Variants in NPSR1 observed in about 807,000 individuals in gnomAD.
NPSR1 encodes neuropeptide S receptor.
Under a neutral mutation model 46.9 loss-of-function variants are expected in NPSR1, and 48 were observed. The ratio of observed to expected loss-of-function variants is 1.02; its 90% CI spans 0.81 to 1.30. NPSR1 has a LOEUF of 1.30. Ranked by LOEUF, NPSR1 falls within the 50% of genes most tolerant of loss-of-function variation. The pLI is 0.00. For synonymous variants in NPSR1, 176 were observed against 168.1 expected (o/e 1.05, Z -0.36); for missense variants, 450 against 449.5 (o/e 1.00, Z -0.01).
chr7:34,848,695 C>T (rs767674508), intron 8 of NPSR1, 32 bp downstream of exon 8: 1 of 1,588,220 alleles, frequency 6.3e-7, no homozygotes, highest in Non-Finnish European at 8.6e-7. Context: ...GTCAGACACA[C>T]TGATGGCCAT....
chr7:34,840,185 A>G (rs1790513831), intron 6 of NPSR1, among the ~76,000 whole-genome samples: 1 of 152,164 alleles, frequency 6.6e-6, no homozygotes, highest in Non-Finnish European at 1.5e-5. Context: ...AGGTTCAGAG[A>G]TATGCAGCCA....
chr7:34,806,190 G>A (rs537092741), intron 3 of NPSR1, among the ~76,000 whole-genome samples: 49 of 152,146 alleles, frequency 3.2e-4, no homozygotes, highest in African/African-American at 1.1e-3. Flanking sequence ...TATTTACTCA[G>A]TTGAGTTGAC....
chr7:34,677,870 T>C (rs1792398522), intron 1 of NPSR1, among the ~76,000 whole-genome samples: 1 of 152,206 alleles, frequency 6.6e-6, no homozygotes, highest in African/African-American at 2.4e-5. Flanking sequence ...TAAAGGAGTG[T>C]GGACAGCTGG....
intron 3 of NPSR1, 86 bp downstream of exon 3, chr7:34,778,651 T>C (rs1787091505): frequency 3.8e-6 from 3 of 794,398 alleles, no homozygotes; most frequent in Non-Finnish European, 4.2e-6. Flanking sequence ...TATAAAACCT[T>C]GCATTCCTAT....
At chr7:34,736,685 G>A (rs1784683322) in intron 2 of NPSR1, among the ~76,000 whole-genome samples, 1 of 151,990 alleles carries the variant, frequency 6.6e-6, no homozygotes, top group South Asian at 2.1e-4. Context: ...ACTGCAACCT[G>A]GAACTTCTGG....
rs960786226 is a variant in NPSR1 at position 34,870,241 on chromosome 7, A to G, written c.1026-7835A>G. Among the ~76,000 whole-genome samples the G allele has an allele frequency of 1.8e-4, 28 of 151,736 alleles. 1 individual carries two copies. The highest frequency in any genetic ancestry group is 6.6e-4 in the African/African-American group (27 of 41,054). On this transcript the variant is annotated intron_variant, in intron 8 of 8. Transcript: ENST00000359791. The stretch of plus-strand genomic sequence containing the variant: ...AGTCATGTGACTGTCACCCCACTGT[A>G]CTGTAAATTTCTTGGAGCCAGGGAT...
intron 6 of NPSR1, among the ~76,000 whole-genome samples, chr7:34,842,252 A>C (rs2128762858): frequency 6.6e-6 from 1 of 152,340 alleles, no homozygotes; most frequent in Non-Finnish European, 1.5e-5. Flanking sequence ...AAGTTTACAA[A>C]GTTTTAGTAA....
chr7:34,684,736 G>T (rs1198885495), intron 2 of NPSR1, 52 bp downstream of exon 2: 10 of 1,420,116 alleles, frequency 7.0e-6, no homozygotes, highest in East Asian at 2.6e-5. Flanking sequence ...AGTCCCTATG[G>T]CTTCCTGCTT....
chr7:34,829,692 A>G (rs1351753160), intron 5 of NPSR1, among the ~76,000 whole-genome samples: 1 of 152,056 alleles, frequency 6.6e-6, no homozygotes, highest in African/African-American at 2.4e-5. Flanking sequence ...TTCCCCATTA[A>G]TTTGGGCTGC....
intron 2 of NPSR1, among the ~76,000 whole-genome samples, chr7:34,708,552 A>C (rs968004476): frequency 1.3e-5 from 2 of 152,188 alleles, no homozygotes; most frequent in Admixed American, 1.3e-4. Flanking sequence ...GCTATGAGGG[A>C]AAACGACAGA....
chr7:34,844,601 A>G (rs1790682482), intron 6 of NPSR1, among the ~76,000 whole-genome samples: 1 of 152,202 alleles, frequency 6.6e-6, no homozygotes, highest in Admixed American at 6.5e-5. Flanking sequence ...CAGCTCCTGC[A>G]TGGTCACATA....
intron 1 of NPSR1, among the ~76,000 whole-genome samples, chr7:34,676,231 G>A (rs982173315): frequency 1.3e-5 from 2 of 152,148 alleles, no homozygotes; most frequent in Non-Finnish European, 2.9e-5. Context: ...CAGGCACTGA[G>A]CTAAAAATCT....
intron 5 of NPSR1, among the ~76,000 whole-genome samples, chr7:34,830,531 G>A (rs749523032): frequency 1.1e-4 from 16 of 151,888 alleles, no homozygotes; most frequent in Non-Finnish European, 1.9e-4. Flanking sequence ...TTGTTTAAAT[G>A]TTTTTATTTT....
intron 3 of NPSR1, among the ~76,000 whole-genome samples, chr7:34,809,981 G>T (rs1026068616): frequency 6.6e-6 from 1 of 152,000 alleles, no homozygotes; most frequent in Admixed American, 6.6e-5. Context: ...TCTTTCTTAC[G>T]AGCCTTCAAT....
intron 2 of NPSR1, among the ~76,000 whole-genome samples, chr7:34,769,663 A>G (rs1167784210): frequency 1.3e-5 from 2 of 152,214 alleles, no homozygotes; most frequent in Non-Finnish European, 2.9e-5. Context: ...TCACCTGACC[A>G]ATCCTCACTG....
rs780611431 is a variant in NPSR1, at chr7:34,844,895, G to C, written c.758-1G>C. ...TTACTATTCCCCTCTTGTATCTACAGATGGGAAACTGTGCAGCAGCTATAA... is the reference window on the plus strand; with the variant it reads ...TTACTATTCCCCTCTTGTATCTACACATGGGAAACTGTGCAGCAGCTATAA... On this transcript the variant is annotated splice_acceptor_variant, in intron 6 of 8. Transcript: ENST00000360581. LOFTEE classifies it high-confidence loss of function. 202 of 1,596,136 alleles carry C rather than the reference G, an allele frequency of 1.3e-4. No homozygotes were observed. Among genetic ancestry groups the C allele is most frequent in the Non-Finnish European group, 2.2e-5 (26 of 1,163,760 alleles).
intron 5 of NPSR1, among the ~76,000 whole-genome samples, chr7:34,831,966 G>A (rs1790142841): frequency 6.6e-6 from 1 of 152,208 alleles, no homozygotes; most frequent in African/African-American, 2.4e-5. Context: ...CCCATGCCAG[G>A]TTGGTGCAGC....
intron 1 of NPSR1, among the ~76,000 whole-genome samples, chr7:34,663,459 C>T (rs1458544): frequency 0.1 from 15,722 of 152,146 alleles, 910 homozygotes; most frequent in African/African-American, 0.15. Flanking sequence ...CGCTATACAA[C>T]TTCCACCTCA....
intron 2 of NPSR1, among the ~76,000 whole-genome samples, chr7:34,733,527 T>C (rs1426852295): frequency 6.6e-6 from 1 of 152,160 alleles, no homozygotes; most frequent in Admixed American, 6.5e-5. Context: ...TTAGTTCAAA[T>C]TTTTAGGAAA....
Sources: gnomAD v4.1 joint callset for allele counts (sites outside exome capture counted in the v4.1 genomes callset) on GRCh38, gnomAD v4.1.1 for gene constraint, MANE v1.5 for transcripts, NCBI Gene and HGNC (gene_info 2026-07-23, HGNC 2026-07-21) for gene names.